The following GNPTAB variants were observed in gnomAD, a reference collection of about 807,000 sequenced individuals.
The protein encoded by GNPTAB is N-acetylglucosamine-1-phosphate transferase subunits alpha and beta.
GNPTAB carries 92 observed loss-of-function variants against 136.6 expected under a neutral mutation model. That is an observed-to-expected ratio of 0.67 (90% CI 0.57 to 0.80). GNPTAB has a LOEUF of 0.80. Among genes scored for constraint, GNPTAB ranks in the 30% least tolerant of loss-of-function variants. GNPTAB has a pLI of 0.00. For synonymous variants in GNPTAB, 512 were observed against 535.1 expected (o/e 0.96, Z 0.60); for missense variants, 1,343 against 1,501.8 (o/e 0.89, Z 1.75).
At chr12:101,819,935 A>T (rs997674276) in intron 1 of GNPTAB, among the ~76,000 whole-genome samples, 28 of 152,198 alleles carry the variant, frequency 1.8e-4, no homozygotes, top group South Asian at 4.1e-4. Context: ...CAATCATAAC[A>T]CAGCACACCA....
chr12:101,788,780 A>G (rs987475695), intron 3 of GNPTAB, among the ~76,000 whole-genome samples, 191 bp from the exon 4 acceptor site: 5 of 152,250 alleles, frequency 3.3e-5, no homozygotes, highest in African/African-American at 1.2e-4. Flanking sequence ...TTGCTCCAAT[A>G]TAAGGTGGCC....
At chr12:101,767,926 C>A in intron 11 of GNPTAB, 111 bp downstream of exon 11, 1 of 1,210,126 alleles carries the variant, frequency 8.3e-7, no homozygotes, top group Non-Finnish European at 1.2e-6. Context: ...ATTACTGATT[C>A]TTTATTAATA....
intron 1 of GNPTAB, among the ~76,000 whole-genome samples, chr12:101,802,746 T>C (rs945756042): frequency 1.3e-5 from 2 of 152,166 alleles, no homozygotes; most frequent in African/African-American, 4.8e-5. Context: ...TCCATGTTAG[T>C]GAACAGCCTT....
At chr12:101,778,665 G>C (rs1037878124) in intron 7 of GNPTAB, 5 of 152,280 alleles carry the variant, frequency 3.3e-5, no homozygotes, top group African/African-American at 9.6e-5. Context: ...CCAGCACTTT[G>C]GGAGGCCAAG....
chr12:101,755,466 G>A (rs1952888594), intron 18 of GNPTAB, among the ~76,000 whole-genome samples: 1 of 152,170 alleles, frequency 6.6e-6, no homozygotes. Flanking sequence ...GCAGAGAACA[G>A]CTATGAAGGG....
At position 101,801,650 on chromosome 12, in the gene GNPTAB, C is replaced by T. The variant is rs374167412; in HGVS notation, c.118-4888G>A. ...GAACAGATGAGACTTCCCCTTCCTT[C>T]TTTCTTCTCTATTCTCCTCTCTTTC... On this transcript the variant is annotated intron_variant, in intron 1 of 20. Transcript: ENST00000299314. 1.3e-3 allele frequency among the ~76,000 whole-genome samples: 194 copies of T among 150,832 alleles called. 2 individuals carry two copies. In the East Asian group the frequency reaches 0.029, roughly 23 times the overall value.
chr12:101,754,839 A>G (rs1008029609), intron 18 of GNPTAB, among the ~76,000 whole-genome samples: 1 of 152,240 alleles, frequency 6.6e-6, no homozygotes, highest in Non-Finnish European at 1.5e-5. Context: ...CTAGGATTCA[A>G]TCAGAGAGGG....
chr12:101,793,741 T>G (rs780540185), intron 2 of GNPTAB, among the ~76,000 whole-genome samples: 2 of 152,238 alleles, frequency 1.3e-5, no homozygotes, highest in Non-Finnish European at 2.9e-5. Flanking sequence ...TTAGTTTAAG[T>G]GAATATTAAA....
intron 1 of GNPTAB, among the ~76,000 whole-genome samples, chr12:101,813,310 T>C (rs546352639): frequency 1.3e-5 from 2 of 152,230 alleles, no homozygotes; most frequent in Non-Finnish European, 2.9e-5. Flanking sequence ...TGCTGCTCCA[T>C]TTTAAGCCAG....
At chr12:101,828,181 G>A (rs1024382826) in intron 1 of GNPTAB, among the ~76,000 whole-genome samples, 9 of 152,154 alleles carry the variant, frequency 5.9e-5, no homozygotes, top group African/African-American at 2.4e-5. Context: ...TTTAATGAGG[G>A]TCTGTTATGT....
intron 16 of GNPTAB, among the ~76,000 whole-genome samples, chr12:101,759,681 T>C (rs954270628): frequency 3.3e-5 from 5 of 152,218 alleles, no homozygotes; most frequent in African/African-American, 1.2e-4. Context: ...TCAGCTTTGA[T>C]GAACGATGAT....
At chr12:101,827,297 C>T (rs182297261) in intron 1 of GNPTAB, among the ~76,000 whole-genome samples, 5 of 152,070 alleles carry the variant, frequency 3.3e-5, no homozygotes, top group Admixed American at 1.3e-4. Flanking sequence ...GATAGGGTTT[C>T]GCCATGTTGC....
At position 101,749,094 on chromosome 12, in the gene GNPTAB, AACTT is replaced by A. The variant is rs758540278; in HGVS notation, c.3693+3_3693+6del. 6.5e-7 allele frequency: 1 copy of A among 1,539,350 alleles called. No homozygotes were observed. The highest frequency in any genetic ancestry group is 9.0e-7 in the Non-Finnish European group (1 of 1,113,014). On this transcript the variant is annotated splice_donor_5th_base_variant and intron_variant, in intron 20 of 20. Transcript: ENST00000299314. ...TTTAATACCCACATAAAATATATAA[AACTT>A]ACCTGCTCAGCAAAAAATGAGAATA...
Position 101,763,940 on chromosome 12 carries a change from A to AC in GNPTAB, c.2715+261dup, listed in dbSNP as rs543779783. On this transcript the variant is annotated intron_variant, in intron 13 of 20. Coordinates refer to ENST00000299314, the MANE Select transcript of GNPTAB (RefSeq NM_024312.5). ...ACTTCCCACTCTCCTTCCTCCAAGT[A>AC]CGCCCCTGGCTAAATCCCTTACTCA... is the stretch of plus-strand genomic sequence containing the variant. 1.8e-3 allele frequency among the ~76,000 whole-genome samples: 274 copies of AC among 152,322 alleles called. 2 individuals are homozygous for AC. Among genetic ancestry groups the AC allele is most frequent in the African/African-American group, 6.4e-3 (265 of 41,574 alleles).
intron 1 of GNPTAB, among the ~76,000 whole-genome samples, chr12:101,813,215 G>A (rs940792696): frequency 7.2e-5 from 11 of 152,124 alleles, no homozygotes; most frequent in Non-Finnish European, 1.6e-4. Context: ...TTTTCATGTT[G>A]TTGTGAAACA....
chr12:101,808,959 C>T (rs1408224866), intron 1 of GNPTAB, among the ~76,000 whole-genome samples: 1 of 152,120 alleles, frequency 6.6e-6, no homozygotes, highest in East Asian at 1.9e-4. Flanking sequence ...AAAAAAACTT[C>T]TGCTCTGCTC....
At chr12:101,821,664 G>A (rs547436669) in intron 1 of GNPTAB, among the ~76,000 whole-genome samples, 2 of 152,168 alleles carry the variant, frequency 1.3e-5, no homozygotes, top group African/African-American at 4.8e-5. Context: ...CTCATTCAAG[G>A]GGGAGCAGTG....
At chr12:101,761,446 C>A in intron 14 of GNPTAB, 100 bp from the exon 15 acceptor site, 2 of 1,405,848 alleles carry the variant, frequency 1.4e-6, no homozygotes, top group Non-Finnish European at 2.0e-6. Flanking sequence ...TTAGATAATA[C>A]CTTTAACATA....
At chr12:101,811,886 G>A (rs927707861) in intron 1 of GNPTAB, among the ~76,000 whole-genome samples, 1 of 150,880 alleles carries the variant, frequency 6.6e-6, no homozygotes, top group African/African-American at 2.4e-5. Flanking sequence ...TGATCTAACT[G>A]CCTCGGCCTC....
Sources: allele counts gnomAD v4.1 joint callset (sites outside exome capture counted in the v4.1 genomes callset), GRCh38; gene constraint gnomAD v4.1.1; transcripts MANE v1.5; gene names NCBI Gene and HGNC (gene_info 2026-07-23, HGNC 2026-07-21).